The following OR14A16 variants were observed in gnomAD, a reference collection of about 807,000 sequenced individuals.
The protein encoded by OR14A16 is olfactory receptor family 14 subfamily A member 16.
For missense variants in OR14A16, 341 were observed against 366.5 expected (o/e 0.93, Z 0.57); for synonymous variants, 135 against 137.6 (o/e 0.98, Z 0.13).
chr1:247,820,860 CAAAAA>C (rs35415698), intron 1 of OR14A16, among the ~76,000 whole-genome samples: 9 of 120,802 alleles, frequency 7.5e-5, no homozygotes, highest in Admixed American at 2.6e-4. Context: ...AGCACCGTCT[CAAAAA>C]AAAAAAAAAA....
At chr1:247,815,850 C>CACACACACACACACACACA in intron 2 of OR14A16, 106 bp from the exon 3 acceptor site, 1 of 531,928 alleles carries the variant, frequency 1.9e-6, no homozygotes. Flanking sequence ...CACACACGTA[C>CACACACACACACACACACA]CACACGTATG....
chr1:247,822,083 A>G (rs1662750082), intron 1 of OR14A16, among the ~76,000 whole-genome samples: 1 of 152,016 alleles, frequency 6.6e-6, no homozygotes, highest in Admixed American at 6.6e-5. Context: ...TATGTTGTAA[A>G]CAAATTTGTT....
Position 247,815,187 on chromosome 1 carries a change from C to G in OR14A16, c.543G>C (p.Gln181His). The G allele has an allele frequency of 6.2e-7, 1 of 1,613,878 alleles. No individual in the cohort carries two copies. The highest frequency in any genetic ancestry group is 8.5e-7 in the Non-Finnish European group (1 of 1,179,832). Residue 181 changes from glutamine (Q) to histidine (H), a missense_variant, in exon 3 of 3, where the codon CAG (glutamine) becomes CAC (histidine). Coordinates refer to ENST00000641093, the MANE Select transcript of OR14A16 (RefSeq NM_001001966.2). Reference protein sequence around the residue: ...MVHQFFCDIPQLLAISCSENL... With the variant: ...MVHQFFCDIPHLLAISCSENL... ...TTTCTGAGCAAGAAATAGCTAATAACTGGGGAATGTCACAGAAGAACTGAT... is the reference window on the plus strand; with the variant it reads ...TTTCTGAGCAAGAAATAGCTAATAAGTGGGGAATGTCACAGAAGAACTGAT...
In OR14A16 at chr1:247,815,334, G is replaced by T. The variant is rs1165827203; in HGVS notation, c.396C>A (p.Val132=). ...GGACACAGGTGCTCCTGTCCATGAT[G>T]ACATCATAGTGCAGAGGGTGACATA... ...TAICHPLHYD[V]IMDRSTCVQR... Residue 132 remains valine (V), a synonymous_variant, in exon 3 of 3, where the codon GTC becomes GTA. Coordinates refer to ENST00000641093, the MANE Select transcript of OR14A16 (RefSeq NM_001001966.2). 1.2e-6 allele frequency: 2 copies of T among 1,614,056 alleles called. No individual in the cohort carries two copies. The highest frequency in any genetic ancestry group is 4.5e-5 in the East Asian group (2 of 44,882).
Position 247,814,809 on chromosome 1 carries a change from G to T in OR14A16, c.921C>A (p.Thr307=), listed in dbSNP as rs1662573069. The T allele has an allele frequency of 1.9e-6, 3 of 1,542,192 alleles. No individual in the cohort carries two copies. Among genetic ancestry groups the T allele is most frequent in the African/African-American group, 2.8e-5 (2 of 71,990 alleles). The change falls in exon 3 of 3, where the codon ACC becomes ACA. Residue 307 remains threonine (T), a synonymous_variant. Coordinates refer to ENST00000641093, the MANE Select transcript of OR14A16 (RefSeq NM_001001966.2). ...AGAAAAGCAACAGCTTTTACTTTTT[G>T]GTGAGCTTTCCCTTTATCAACATCC... is the stretch of plus-strand genomic sequence containing the variant. ...ALGMLIKGKL[T]KK
At chr1:247,823,572 C>T (rs978037014) in intron 1 of OR14A16, among the ~76,000 whole-genome samples, 8 of 151,846 alleles carry the variant, frequency 5.3e-5, no homozygotes, top group South Asian at 2.1e-4. Context: ...TAAATAATAC[C>T]GTAAGTGCTG....
chr1:247,822,320 GGGA>G (rs200248617), intron 1 of OR14A16, among the ~76,000 whole-genome samples: 11,703 of 91,448 alleles, frequency 0.13, 1,175 homozygotes, highest in South Asian at 0.23. Context: ...GTGGCGGGGG[GGGA>G]GGGTGGGGAT....
intron 1 of OR14A16, among the ~76,000 whole-genome samples, chr1:247,821,264 T>C (rs1310885601): frequency 6.6e-6 from 1 of 152,216 alleles, no homozygotes; most frequent in African/African-American, 2.4e-5. Context: ...TTGGGATGTG[T>C]CTGTTAGGTC....
chr1:247,815,179 G>A lies in OR14A16; in HGVS notation c.551C>T (p.Ala184Val), dbSNP rs781421072. The change falls in exon 3 of 3, where the codon GCT (alanine) becomes GTT (valine). Residue 184 changes from alanine (A) to valine (V), a missense_variant. Transcript: ENST00000641093. ...TATTAAATTTTCTGAGCAAGAAATA[G>A]CTAATAACTGGGGAATGTCACAGAA... ...QFFCDIPQLL[A>V]ISCSENLIRE... 21 of 1,613,506 alleles carry A rather than the reference G, an allele frequency of 1.3e-5. No individual in the cohort carries two copies. The Admixed American group carries it at 3.2e-4, about 24-fold the overall frequency.
rs768183236 is a variant in OR14A16 at position 247,815,775 on chromosome 1, T to TATCA, written c.-15-35_-15-32dup. On this transcript the variant is annotated intron_variant, in intron 2 of 2. Transcript: ENST00000641093. ...GGAAAAGGAGAAGACTGAAGTAAAA[T>TATCA]ATCAATGTCCACTCTTTAAATATTA... The TATCA allele has an allele frequency of 1.7e-5, 15 of 904,280 alleles. No homozygotes were observed. The South Asian group carries it at 2.5e-4, about 15-fold the overall frequency. 56.0% of individuals were successfully genotyped at this position (904,280 alleles called of 1,614,324 possible).
Position 247,815,632 on chromosome 1 carries a change from T to C in OR14A16, c.98A>G (p.Tyr33Cys), listed in dbSNP as rs1305246541. The C allele has an allele frequency of 5.0e-6, 8 of 1,612,100 alleles. No individual in the cohort carries two copies. Among genetic ancestry groups the C allele is most frequent in the Non-Finnish European group, 6.8e-6 (8 of 1,178,186 alleles). The change falls in exon 3 of 3, where the codon TAT becomes TGT. Residue 33 changes from tyrosine (Y) to cysteine (C), a missense_variant. Coordinates refer to ENST00000641093, the MANE Select transcript of OR14A16 (RefSeq NM_001001966.2). ...ILHSILFLLI[Y>C]LCALMGNVLI... ...GACATTCCCCATCAGGGCACACAAA[T>C]AAATCAACAAGAAGAGAATCGAATG...
intron 1 of OR14A16, among the ~76,000 whole-genome samples, chr1:247,819,556 T>G (rs1558335505): frequency 6.6e-6 from 1 of 152,222 alleles, no homozygotes; most frequent in African/African-American, 2.4e-5. Flanking sequence ...ACTTTTTGTC[T>G]TATTATCTAT....
chr1:247,817,076 C>T (rs564207390), intron 2 of OR14A16, among the ~76,000 whole-genome samples: 1 of 152,220 alleles, frequency 6.6e-6, no homozygotes, highest in Non-Finnish European at 1.5e-5. Context: ...GTTATTCATT[C>T]GTATTGCAGT....
rs541058341 is a variant in OR14A16 at position 247,814,666 on chromosome 1, A to G, written c.*134T>C. 8.8e-5 allele frequency: 43 copies of G among 490,000 alleles called. No individual in the cohort carries two copies. Among genetic ancestry groups the G allele is most frequent in the African/African-American group, 8.2e-4 (41 of 50,198 alleles). 30.4% of individuals were successfully genotyped at this position (490,000 alleles called of 1,614,324 possible). On this transcript the variant is annotated 3_prime_UTR_variant, in exon 3 of 3. Transcript: ENST00000641093. ...AAAAATGTAATTAATTGCCCAAGGAAATTTTCTAATAAAATAATTGCTTTC... is the reference window on the plus strand; with the variant it reads ...AAAAATGTAATTAATTGCCCAAGGAGATTTTCTAATAAAATAATTGCTTTC...
chr1:247,822,762 A>G (rs915146909), intron 1 of OR14A16, among the ~76,000 whole-genome samples: 26 of 152,198 alleles, frequency 1.7e-4, no homozygotes, highest in Non-Finnish European at 3.1e-4. Context: ...TAATAATCTG[A>G]CTAGGCTCTC....
intron 1 of OR14A16, among the ~76,000 whole-genome samples, chr1:247,820,857 T>C (rs1244499931): frequency 7.7e-6 from 1 of 129,260 alleles, no homozygotes; most frequent in Admixed American, 7.5e-5. Flanking sequence ...TAAAGCACCG[T>C]CTCAAAAAAA....
intron 2 of OR14A16, among the ~76,000 whole-genome samples, chr1:247,817,680 T>C (rs1662652842): frequency 6.9e-6 from 1 of 144,780 alleles, no homozygotes; most frequent in Non-Finnish European, 1.5e-5. Flanking sequence ...AAGTATAGCA[T>C]GCCTTTTTAA....
In OR14A16 at chr1:247,815,603, T is replaced by C. The variant is rs1662602012; in HGVS notation, c.127A>G (p.Ile43Val). ...TGGTCCAAAGTTGTGATCATGATAA[T>C]GAGGACATTCCCCATCAGGGCACAC... is the stretch of plus-strand genomic sequence containing the variant. Reference protein sequence around the residue: ...YLCALMGNVLIIMITTLDHHL... With the variant: ...YLCALMGNVLVIMITTLDHHL... The change falls in exon 3 of 3, where the codon ATT becomes GTT. Residue 43 changes from isoleucine to valine, a missense_variant. Coordinates refer to ENST00000641093, the MANE Select transcript of OR14A16 (RefSeq NM_001001966.2). 1.2e-6 allele frequency: 2 copies of C among 1,613,608 alleles called. No individual in the cohort carries two copies. The highest frequency in any genetic ancestry group is 1.7e-6 in the Non-Finnish European group (2 of 1,179,558).
Position 247,815,148 on chromosome 1 carries a change from TTCTC to T in OR14A16, c.578_581del (p.Arg193LysfsTer9). ...CTACATTAATAAGGATGAGTGCAAT[TTCTC>T]TTATTAAATTTTCTGAGCAAGAAAT... is the stretch of plus-strand genomic sequence containing the variant. On this transcript the variant is annotated frameshift_variant, in exon 3 of 3. Coordinates refer to ENST00000641093, the MANE Select transcript of OR14A16 (RefSeq NM_001001966.2). LOFTEE classifies it low-confidence loss of function (END_TRUNC). 1 of 1,612,238 alleles carries T rather than the reference TTCTC, an allele frequency of 6.2e-7. No homozygotes were observed. The highest frequency in any genetic ancestry group is 2.2e-5 in the East Asian group (1 of 44,854).
Sources: gnomAD v4.1 joint callset for allele counts (sites outside exome capture counted in the v4.1 genomes callset) on GRCh38, gnomAD v4.1.1 for gene constraint, MANE v1.5 for transcripts, NCBI Gene and HGNC (gene_info 2026-07-23, HGNC 2026-07-21) for gene names.